Variants in CDH18 observed in about 807,000 individuals in gnomAD.
CDH18 encodes the protein cadherin 18, also known as cadherin-18.
In CDH18, 31 loss-of-function variants were observed where a neutral mutation model predicts 67.9. That is an observed-to-expected ratio of 0.46 (90% CI 0.34 to 0.62). The LOEUF (loss-of-function observed/expected upper bound fraction) is 0.62, where lower values mean the gene tolerates loss of function less well. Ranked by LOEUF, CDH18 falls within the 20% of genes least tolerant of loss-of-function variation. The pLI is 0.01. For synonymous variants in CDH18, 362 were observed against 347.2 expected (o/e 1.04, Z -0.48); for missense variants, 890 against 975.5 (o/e 0.91, Z 1.17).
chr5:19,755,430 T>TATATATATAC (rs1491450210), intron 3 of CDH18, among the ~76,000 whole-genome samples: 2 of 6,464 alleles, frequency 3.1e-4, no homozygotes, highest in Non-Finnish European at 3.9e-3. Context: ...TAACAGGGTA[T>TATATATATAC]GTATATATAT....
chr5:20,394,372 T>C (rs528629844), intron 1 of CDH18, among the ~76,000 whole-genome samples: 3 of 152,012 alleles, frequency 2.0e-5, no homozygotes, highest in Non-Finnish European at 4.4e-5. Context: ...GAAGAACGAA[T>C]CCTGCAGAGG....
chr5:20,203,581 A>AAGAGAGAGAGAGAGAGAGAGAG (rs57913549), intron 2 of CDH18, among the ~76,000 whole-genome samples: 23 of 145,486 alleles, frequency 1.6e-4, no homozygotes, highest in African/African-American at 5.7e-4. Context: ...GTGGAGGGAA[A>AAGAGAGAGAGAGAGAGAGAGAG]AGAGAGAGAG....
upstream of CDH18, among the ~76,000 whole-genome samples, chr5:19,992,440 T>C (rs1247973881): frequency 6.7e-6 from 1 of 148,668 alleles, no homozygotes; most frequent in Non-Finnish European, 1.5e-5. Context: ...ATAAAGTATA[T>C]GCCAGACTTA....
chr5:20,285,648 T>G (rs1580668322), intron 1 of CDH18, among the ~76,000 whole-genome samples: 1 of 151,456 alleles, frequency 6.6e-6, no homozygotes, highest in Middle Eastern at 3.4e-3. Context: ...TTTGCCCCCT[T>G]TTGTGGAGGC....
intron 5 of CDH18, among the ~76,000 whole-genome samples, chr5:19,715,552 C>A (rs955337043): frequency 1.3e-5 from 2 of 151,994 alleles, no homozygotes; most frequent in Non-Finnish European, 2.9e-5. Context: ...CTTTTATCTC[C>A]TTACAGATTA....
At chr5:20,328,407 G>T (rs1193343129) in intron 1 of CDH18, among the ~76,000 whole-genome samples, 1 of 151,636 alleles carries the variant, frequency 6.6e-6, no homozygotes, top group Non-Finnish European at 1.5e-5. Context: ...TAAAAGAGAG[G>T]AGTCTGGAGT....
In CDH18 at chr5:20,217,950, G is replaced by A. The variant is rs536008718; in HGVS notation, c.-518+37494C>T. The stretch of plus-strand genomic sequence containing the variant: ...TTATATAATGATAAAGGAGTCAATT[G>A]AGCAAGAGGACATGACTATTATAAA... On this transcript the variant is annotated intron_variant, in intron 2 of 14. Transcript: ENST00000507958. Among the ~76,000 whole-genome samples, 61 of 151,932 alleles carry A rather than the reference G, an allele frequency of 4.0e-4. No homozygotes were observed. The Middle Eastern group carries it at 0.017, about 42-fold the overall frequency.
In CDH18 at chr5:19,886,938, C is replaced by A. The variant is rs532883899; in HGVS notation, c.-256-47696G>T. Among the ~76,000 whole-genome samples, 93 of 152,190 alleles carry A rather than the reference C, an allele frequency of 6.1e-4. 2 individuals are homozygous for A. The East Asian group carries it at 0.014, about 22-fold the overall frequency. The stretch of plus-strand genomic sequence containing the variant: ...AAACATAGCAGTAGCTTGATCTTTA[C>A]ATTGCTATATATTATTGCATATGAC... On this transcript the variant is annotated intron_variant, in intron 2 of 12. Coordinates refer to ENST00000382275, the MANE Select transcript of CDH18 (RefSeq NM_004934.5).
intron 2 of CDH18, among the ~76,000 whole-genome samples, chr5:20,167,995 C>A (rs1736423292): frequency 6.6e-6 from 1 of 152,090 alleles, no homozygotes; most frequent in Admixed American, 6.6e-5. Context: ...ATACCTAGCA[C>A]AGAATATTTA....
At chr5:20,305,613 G>C (rs1005823487) in intron 1 of CDH18, 8 of 527,396 alleles carry the variant, frequency 1.5e-5, no homozygotes, top group East Asian at 1.5e-4. Context: ...CTTGGTGCTC[G>C]GCAAACCCAG....
intron 3 of CDH18, among the ~76,000 whole-genome samples, chr5:19,794,694 C>G (rs1002951618): frequency 6.6e-6 from 1 of 151,854 alleles, no homozygotes. Flanking sequence ...TTTTTAAAAG[C>G]CATGCATGAA....
intron 5 of CDH18, among the ~76,000 whole-genome samples, chr5:19,638,714 C>G (rs1250038679): frequency 6.6e-6 from 1 of 151,558 alleles, no homozygotes; most frequent in African/African-American, 2.4e-5. Flanking sequence ...TTCTGGATAG[C>G]TCAGGAGTTC....
intron 9 of CDH18, among the ~76,000 whole-genome samples, chr5:19,532,770 C>G (rs1268822325): frequency 6.6e-6 from 1 of 152,128 alleles, no homozygotes; most frequent in Non-Finnish European, 1.5e-5. Context: ...AAATAGTTGA[C>G]TTATAAATAG....
intron 2 of CDH18, among the ~76,000 whole-genome samples, chr5:20,042,390 A>C (rs1740499319): frequency 2.0e-5 from 3 of 152,232 alleles, no homozygotes; most frequent in Non-Finnish European, 1.5e-5. Flanking sequence ...ATGCCAAAGG[A>C]AACTTTTTCC....
chr5:19,927,197 T>C (rs1197816693), intron 2 of CDH18, among the ~76,000 whole-genome samples: 1 of 152,180 alleles, frequency 6.6e-6, no homozygotes, highest in Non-Finnish European at 1.5e-5. Context: ...TTGTATGCTA[T>C]GCTAACCTGC....
chr5:19,643,398 G>T (rs1055685913), intron 5 of CDH18, among the ~76,000 whole-genome samples: 1 of 152,074 alleles, frequency 6.6e-6, no homozygotes, highest in East Asian at 1.9e-4. Context: ...TCATTGTAGC[G>T]TAATTCACAA....
intron 1 of CDH18, among the ~76,000 whole-genome samples, chr5:20,381,001 A>C (rs560274854): frequency 6.6e-6 from 1 of 152,236 alleles, no homozygotes; most frequent in East Asian, 1.9e-4. Flanking sequence ...GAGTAAATTA[A>C]AGTGAGGTTC....
chr5:20,304,229 G>C (rs1736210046), intron 1 of CDH18: 1 of 1,523,472 alleles, frequency 6.6e-7, no homozygotes, highest in Non-Finnish European at 9.1e-7. Context: ...TGGAATCAGA[G>C]CATTCAGCAA....
At chr5:20,368,146 G>A (rs1399616845) in intron 1 of CDH18, among the ~76,000 whole-genome samples, 2 of 152,108 alleles carry the variant, frequency 1.3e-5, no homozygotes, top group East Asian at 3.9e-4. Context: ...AAGCTTCTAT[G>A]TCCTTTCATA....
Sources: allele counts gnomAD v4.1 joint callset (sites outside exome capture counted in the v4.1 genomes callset), GRCh38; gene constraint gnomAD v4.1.1; transcripts MANE v1.5; gene names NCBI Gene and HGNC (gene_info 2026-07-23, HGNC 2026-07-21).